CHRM3: variants seen among roughly 807,000 people sequenced by gnomAD.
The protein encoded by CHRM3 is muscarinic acetylcholine receptor M3.
Under a neutral mutation model 41.8 loss-of-function variants are expected in CHRM3, and 11 were observed. The ratio of observed to expected loss-of-function variants is 0.26; its 90% CI spans 0.17 to 0.44. CHRM3 has a LOEUF of 0.44. Ranked by LOEUF, CHRM3 falls within the 20% of genes least tolerant of loss-of-function variation. The pLI is 1.00. For synonymous variants in CHRM3, 297 were observed against 301.4 expected (o/e 0.99, Z 0.15); for missense variants, 571 against 745.4 (o/e 0.77, Z 2.72).
In CHRM3 at chr1:239,820,714, C is replaced by T. The variant is rs145984451; in HGVS notation, c.-146-6538C>T. ...GATGCCATGTTGGTCTTCAAGACAA[C>T]AAAACAGGTGACCAAAAGTTGTGCC... On this transcript the variant is annotated intron_variant, in intron 5 of 6. Coordinates refer to ENST00000676153, the MANE Select transcript of CHRM3 (RefSeq NM_001375978.1). Among the ~76,000 whole-genome samples, 370 of 152,140 alleles carry T rather than the reference C, an allele frequency of 2.4e-3. 2 individuals carry two copies. The highest frequency in any genetic ancestry group is 8.5e-3 in the African/African-American group (351 of 41,500).
At chr1:239,708,601 A>C (rs1211633870) in intron 5 of CHRM3, among the ~76,000 whole-genome samples, 1 of 152,004 alleles carries the variant, frequency 6.6e-6, no homozygotes, top group East Asian at 1.9e-4. Flanking sequence ...CCATTCACAA[A>C]TGTTCATCCC....
intron 1 of CHRM3, among the ~76,000 whole-genome samples, chr1:239,455,963 CGAG>C (rs1664900680): frequency 6.6e-6 from 1 of 152,030 alleles, no homozygotes; most frequent in Admixed American, 6.6e-5. Context: ...GTGCTGTAGA[CGAG>C]GAAATGGGAG....
At chr1:239,656,962 C>A (rs1672771859) in intron 4 of CHRM3, among the ~76,000 whole-genome samples, 1 of 152,024 alleles carries the variant, frequency 6.6e-6, no homozygotes, top group African/African-American at 2.4e-5. Context: ...GAAGTATGAA[C>A]CTTTGGCTTT....
Position 239,444,477 on chromosome 1 carries a change from G to A in CHRM3, c.-520-48232G>A, listed in dbSNP as rs181032293. 1.3e-3 allele frequency among the ~76,000 whole-genome samples: 199 copies of A among 152,200 alleles called. 1 individual carries two copies. The highest frequency in any genetic ancestry group is 4.6e-3 in the African/African-American group (191 of 41,528). On this transcript the variant is annotated intron_variant, in intron 1 of 6. Coordinates refer to ENST00000676153, the MANE Select transcript of CHRM3 (RefSeq NM_001375978.1). ...AAAGAGGAAGCAATTAATTTGTGCTGGAGGGAATAAGAGAGACCATTTGAG... is the reference window on the plus strand; with the variant it reads ...AAAGAGGAAGCAATTAATTTGTGCTAGAGGGAATAAGAGAGACCATTTGAG...
At chr1:239,435,945 C>T (rs1050283709) in intron 1 of CHRM3, among the ~76,000 whole-genome samples, 9 of 152,044 alleles carry the variant, frequency 5.9e-5, no homozygotes, top group African/African-American at 1.2e-4. Flanking sequence ...GCATGGAAAA[C>T]GTTTCTTTGG....
chr1:239,709,182 C>G (rs1392455548), intron 5 of CHRM3, among the ~76,000 whole-genome samples: 1 of 152,168 alleles, frequency 6.6e-6, no homozygotes, highest in African/African-American at 2.4e-5. Context: ...AGTTTTCAGA[C>G]TGAAACTCAG....
At chr1:239,754,127 C>T (rs903838144) in intron 5 of CHRM3, among the ~76,000 whole-genome samples, 3 of 152,172 alleles carry the variant, frequency 2.0e-5, no homozygotes, top group African/African-American at 7.2e-5. Context: ...GATACAATCA[C>T]CAGCTTTTAA....
chr1:239,679,027 G>GGATA (rs61514483), intron 5 of CHRM3, among the ~76,000 whole-genome samples: 59,855 of 148,594 alleles, frequency 0.4, 12,454 homozygotes, highest in East Asian at 0.6. Flanking sequence ...GTAGATAGAT[G>GGATA]GATAGATAGA....
At chr1:239,566,898 A>T (rs1558324804) in intron 3 of CHRM3, among the ~76,000 whole-genome samples, 1 of 152,184 alleles carries the variant, frequency 6.6e-6, no homozygotes, top group African/African-American at 2.4e-5. Context: ...CAAAATGATA[A>T]ATTCATAGAT....
chr1:239,636,563 C>G (rs765906696), intron 4 of CHRM3, among the ~76,000 whole-genome samples: 1 of 152,008 alleles, frequency 6.6e-6, no homozygotes, highest in Non-Finnish European at 1.5e-5. Flanking sequence ...TCTTTGCTGC[C>G]GATTGAGATT....
intron 2 of CHRM3, among the ~76,000 whole-genome samples, chr1:239,498,924 T>A (rs1668047680): frequency 6.6e-6 from 1 of 152,184 alleles, no homozygotes. Flanking sequence ...TTAGCATGCT[T>A]CCTTTTTATT....
chr1:239,394,789 T>C (rs1256536375), intron 1 of CHRM3, among the ~76,000 whole-genome samples: 1 of 151,766 alleles, frequency 6.6e-6, no homozygotes, highest in Admixed American at 6.6e-5. Context: ...AGAACACTTC[T>C]GATCTTTCTT....
intron 5 of CHRM3, among the ~76,000 whole-genome samples, chr1:239,694,343 A>G (rs558992991): frequency 6.6e-6 from 1 of 152,278 alleles, no homozygotes; most frequent in African/African-American, 2.4e-5. Context: ...AACACAAATA[A>G]TTTGTCACAG....
intron 5 of CHRM3, among the ~76,000 whole-genome samples, chr1:239,771,460 C>G (rs1366553427): frequency 6.6e-6 from 1 of 152,214 alleles, no homozygotes; most frequent in Admixed American, 6.5e-5. Context: ...ACCTCCACTT[C>G]TAGCAAACTC....
intron 5 of CHRM3, among the ~76,000 whole-genome samples, chr1:239,789,067 A>G (rs1216093235): frequency 1.3e-5 from 2 of 152,168 alleles, no homozygotes; most frequent in African/African-American, 2.4e-5. Context: ...GGACCATTCC[A>G]TCCTTTGGCT....
chr1:239,802,552 G>A, intron 5 of CHRM3, among the ~76,000 whole-genome samples: 1 of 152,080 alleles, frequency 6.6e-6, no homozygotes, highest in East Asian at 1.9e-4. Context: ...AGAAGCAGGG[G>A]GTCATAGGAC....
chr1:239,448,380 A>G (rs1416469519), intron 1 of CHRM3, among the ~76,000 whole-genome samples: 1 of 152,194 alleles, frequency 6.6e-6, no homozygotes, highest in African/African-American at 2.4e-5. Context: ...AAATGATTAT[A>G]TATAAAGTAG....
chr1:239,891,720 T>A (rs1678567067), intron 6 of CHRM3, among the ~76,000 whole-genome samples: 1 of 152,116 alleles, frequency 6.6e-6, no homozygotes, highest in Non-Finnish European at 1.5e-5. Context: ...CCTCTGACTG[T>A]CAAAGGGTGA....
intron 3 of CHRM3, among the ~76,000 whole-genome samples, chr1:239,582,047 G>A (rs1331381487): frequency 6.6e-6 from 1 of 152,084 alleles, no homozygotes; most frequent in Non-Finnish European, 1.5e-5. Flanking sequence ...GCAAATACAT[G>A]CAATTTAAAA....
Sources: allele counts gnomAD v4.1 joint callset (sites outside exome capture counted in the v4.1 genomes callset), GRCh38; gene constraint gnomAD v4.1.1; transcripts MANE v1.5; gene names NCBI Gene and HGNC (gene_info 2026-07-23, HGNC 2026-07-21).